Variants in OTUD7A observed in about 807,000 individuals in gnomAD.
The protein encoded by OTUD7A is OTU deubiquitinase 7A.
A neutral mutation model predicts 65.7 loss-of-function variants in OTUD7A; 12 were observed. The observed-to-expected ratio is 0.18, with a 90% CI of 0.12 to 0.30. The LOEUF is 0.30. Among genes scored for constraint, OTUD7A ranks in the 10% least tolerant of loss-of-function variants. The pLI is 1.00. For synonymous variants in OTUD7A, 641 were observed against 586.3 expected, an observed-to-expected ratio of 1.09 and a Z score of -1.35; for missense variants, 1,148 against 1,304.8, an observed-to-expected ratio of 0.88 and a Z score of 1.85.
Position 31,767,558 on chromosome 15 carries a change from G to A in OTUD7A, c.-100+102949C>T, listed in dbSNP as rs562125586. 1.3e-4 allele frequency: 100 copies of A among 798,814 alleles called. 1 individual carries two copies. In the South Asian group the frequency reaches 1.3e-3, roughly 10 times the overall value. 49.5% of individuals were successfully genotyped at this position (798,814 alleles called of 1,614,324 possible). On this transcript the variant is annotated intron_variant, in intron 1 of 12. Coordinates refer to ENST00000307050, the MANE Select transcript of OTUD7A (RefSeq NM_001382637.1). Reference sequence around the variant, plus strand: ...TTGTATTGGCCCCATTATATATTGGGGAATTACTTGTTTTGGATTTATGAC... The same window carrying A: ...TTGTATTGGCCCCATTATATATTGGAGAATTACTTGTTTTGGATTTATGAC...
At chr15:31,663,834 TC>T (rs954691117) in intron 1 of OTUD7A, among the ~76,000 whole-genome samples, 3 of 151,800 alleles carry the variant, frequency 2.0e-5, no homozygotes, top group African/African-American at 7.3e-5. Context: ...CTCCCATCCT[TC>T]CCCCCAAGTC....
intron 1 of OTUD7A, among the ~76,000 whole-genome samples, chr15:31,834,952 T>C (rs1185219501): frequency 6.6e-6 from 1 of 152,228 alleles, no homozygotes; most frequent in Non-Finnish European, 1.5e-5. Flanking sequence ...TGAGCAACGA[T>C]GGTGCAGGAC....
At chr15:31,732,677 G>T (rs537610139) in intron 1 of OTUD7A, among the ~76,000 whole-genome samples, 1 of 152,162 alleles carries the variant, frequency 6.6e-6, no homozygotes, top group South Asian at 2.1e-4. Flanking sequence ...CAATTGCATC[G>T]CACTCCAGAA....
chr15:31,630,993 G>A (rs1481941947), intron 3 of OTUD7A, among the ~76,000 whole-genome samples: 2 of 152,282 alleles, frequency 1.3e-5, no homozygotes, highest in African/African-American at 4.8e-5. Flanking sequence ...CTGCACATGA[G>A]ATGGGTTTCC....
intron 1 of OTUD7A, among the ~76,000 whole-genome samples, chr15:31,809,282 T>C (rs1389622559): frequency 6.6e-6 from 1 of 152,216 alleles, no homozygotes; most frequent in African/African-American, 2.4e-5. Context: ...GGAAGTAAAG[T>C]GTATCCTGGG....
At chr15:31,689,652 C>T (rs1371113640) in intron 1 of OTUD7A, among the ~76,000 whole-genome samples, 1 of 151,870 alleles carries the variant, frequency 6.6e-6, no homozygotes, top group Non-Finnish European at 1.5e-5. Context: ...CTGGTGAATC[C>T]CACAGCCCTG....
At chr15:31,734,265 A>C (rs186093336) in intron 1 of OTUD7A, among the ~76,000 whole-genome samples, 90 of 152,342 alleles carry the variant, frequency 5.9e-4, no homozygotes, top group African/African-American at 2.1e-3. Context: ...TGACACAAAC[A>C]AATGGAGAAA....
intron 3 of OTUD7A, among the ~76,000 whole-genome samples, chr15:31,615,824 G>C (rs1428433057): frequency 6.6e-6 from 1 of 152,234 alleles, no homozygotes; most frequent in African/African-American, 2.4e-5. Context: ...GGTACCAACA[G>C]AGACCCCACA....
chr15:31,864,868 T>C (rs1897838618), intron 1 of OTUD7A, among the ~76,000 whole-genome samples: 1 of 152,154 alleles, frequency 6.6e-6, no homozygotes, highest in Non-Finnish European at 1.5e-5. Flanking sequence ...TGTCAAAGGA[T>C]AGAAACTGGG....
At chr15:31,486,608 G>T (rs113753231) in intron 12 of OTUD7A, among the ~76,000 whole-genome samples, 2 of 7,798 alleles carry the variant, frequency 2.6e-4, no homozygotes, top group African/African-American at 1.3e-3. Flanking sequence ...GGGCAGCCCC[G>T]GACCCTCTGG....
At chr15:31,664,543 G>C (rs932927635) in intron 1 of OTUD7A, among the ~76,000 whole-genome samples, 34 of 151,938 alleles carry the variant, frequency 2.2e-4, no homozygotes, top group African/African-American at 8.2e-4. Flanking sequence ...GTTTGTGGTA[G>C]ATTCTGGATA....
intron 3 of OTUD7A, among the ~76,000 whole-genome samples, chr15:31,611,840 T>C (rs1263931013): frequency 6.6e-6 from 1 of 151,960 alleles, no homozygotes; most frequent in Non-Finnish European, 1.5e-5. Flanking sequence ...GGGAAGGACA[T>C]AACCAAAAAA....
At chr15:31,574,483 CAGAT>C (rs1018333123) in intron 3 of OTUD7A, among the ~76,000 whole-genome samples, 2 of 152,058 alleles carry the variant, frequency 1.3e-5, no homozygotes, top group Admixed American at 6.5e-5. Context: ...ACAACTAAAA[CAGAT>C]AGATAATAGT....
intron 1 of OTUD7A, among the ~76,000 whole-genome samples, chr15:31,792,252 T>C (rs995868834): frequency 6.6e-6 from 1 of 152,202 alleles, no homozygotes; most frequent in African/African-American, 2.4e-5. Context: ...GTCTCCTGAC[T>C]GACACCCCTG....
At chr15:31,791,866 G>A (rs1214627560) in intron 1 of OTUD7A, among the ~76,000 whole-genome samples, 2 of 152,060 alleles carry the variant, frequency 1.3e-5, no homozygotes. Context: ...GCTCAGCCTG[G>A]ATTGCATCTC....
intron 10 of OTUD7A, among the ~76,000 whole-genome samples, chr15:31,489,689 T>C (rs2041289024): frequency 6.6e-6 from 1 of 152,218 alleles, no homozygotes; most frequent in African/African-American, 2.4e-5. Context: ...CTTTTAGATT[T>C]CCACTGTGTT....
chr15:31,775,103 C>T (rs1443138145), intron 1 of OTUD7A, among the ~76,000 whole-genome samples: 1 of 151,982 alleles, frequency 6.6e-6, no homozygotes, highest in East Asian at 1.9e-4. Flanking sequence ...CACACACACA[C>T]ACACACACAC....
chr15:31,760,779 C>T (rs1894940066), intron 1 of OTUD7A, among the ~76,000 whole-genome samples: 2 of 152,086 alleles, frequency 1.3e-5, no homozygotes, highest in Admixed American at 6.5e-5. Context: ...GGAGGACTCA[C>T]ATTTTCTGAC....
chr15:31,616,735 G>T (rs1486278981), intron 3 of OTUD7A, among the ~76,000 whole-genome samples: 2 of 152,054 alleles, frequency 1.3e-5, no homozygotes, highest in African/African-American at 2.4e-5. Flanking sequence ...GTAGAGACGG[G>T]GTTTCACCTT....
Sources: gnomAD v4.1 joint callset for allele counts (sites outside exome capture counted in the v4.1 genomes callset) on GRCh38, gnomAD v4.1.1 for gene constraint, MANE v1.5 for transcripts, NCBI Gene and HGNC (gene_info 2026-07-23, HGNC 2026-07-21) for gene names.